Variants in GLYATL1B observed in about 807,000 individuals in gnomAD.
GLYATL1B encodes the protein putative glycine N-acyltransferase-like protein 1B.
Under a neutral mutation model 5.5 loss-of-function variants are expected in GLYATL1B, and 6 were observed. The ratio of observed to expected loss-of-function variants is 1.09; its 90% confidence interval spans 0.60 to 2.15. GLYATL1B has a LOEUF of 2.15. Among genes scored for constraint, GLYATL1B ranks in the 30% most tolerant of loss-of-function variants. The pLI, the probability that GLYATL1B is intolerant of heterozygous loss-of-function variation, is 0.00. For synonymous variants in GLYATL1B, 67 were observed against 34.9 expected, an observed-to-expected ratio of 1.92 and a Z score of -3.24; for missense variants, 135 against 94.1, an observed-to-expected ratio of 1.43 and a Z score of -1.80.
At chr11:59,087,439 AG>A (rs1300917527) in intron 2 of GLYATL1B, among the ~76,000 whole-genome samples, 1 of 152,090 alleles carries the variant, frequency 6.6e-6, no homozygotes, top group African/African-American at 2.4e-5. Flanking sequence ...TTGAGGTGGC[AG>A]GGGTCACCTG....
At chr11:59,088,200 C>T (rs771641868) in intron 2 of GLYATL1B, among the ~76,000 whole-genome samples, 3 of 152,166 alleles carry the variant, frequency 2.0e-5, no homozygotes, top group African/African-American at 7.2e-5. Flanking sequence ...AAATGAGATA[C>T]CACATGTCAA....
In GLYATL1B at chr11:59,087,503, G is replaced by A. The variant is rs967459516; in HGVS notation, c.186+332G>A. Among the ~76,000 whole-genome samples the A allele has an allele frequency of 1.1e-4, 17 of 152,094 alleles. No homozygotes were observed. The South Asian group carries it at 1.2e-3, about 11-fold the overall frequency. On this transcript the variant is annotated intron_variant, in intron 2 of 4. Coordinates refer to ENST00000527482, the MANE Select transcript of GLYATL1B (RefSeq NM_001355566.1). ...GGGAAAGTTGGCTGTCTGAGATATTGGAACAGTGACTTAGAACCAAAAACC... is the reference window on the plus strand; with the variant it reads ...GGGAAAGTTGGCTGTCTGAGATATTAGAACAGTGACTTAGAACCAAAAACC...
intron 2 of GLYATL1B, among the ~76,000 whole-genome samples, chr11:59,088,148 G>A (rs1859229517): frequency 1.3e-5 from 2 of 152,118 alleles, no homozygotes; most frequent in South Asian, 4.2e-4. Context: ...TGTTAAAATG[G>A]GAAAAATAGG....
chr11:59,094,393 C>T lies in GLYATL1B; in HGVS notation c.516C>T (p.Ala172=). Residue 172 remains alanine (A), a synonymous_variant, in exon 5 of 5, where the codon GCC becomes GCT. Transcript: ENST00000527482. ...GCGAGACTCCGAACTTTAAGTATGC[C>T]CAGCTGAATGTGTCTTATTCTGGGC... ...LESETPNFKY[A]QLNVSYSGLV... 1 of 575,894 alleles carries T rather than the reference C, an allele frequency of 1.7e-6. No homozygotes were observed. The highest frequency in any genetic ancestry group is 3.1e-5 in the South Asian group (1 of 31,944). The allele number at this position is 575,894 out of a possible 1,614,324, so 35.7% of individuals were successfully genotyped here.
intron 2 of GLYATL1B, among the ~76,000 whole-genome samples, chr11:59,090,985 G>A (rs3109657): frequency 9.2e-5 from 14 of 151,974 alleles, no homozygotes; most frequent in South Asian, 6.2e-4. Context: ...ATGAACGGTA[G>A]ATTTTATGTT....
intron 2 of GLYATL1B, among the ~76,000 whole-genome samples, chr11:59,089,120 T>A (rs1299314945): frequency 1.3e-5 from 2 of 152,212 alleles, no homozygotes; most frequent in South Asian, 4.1e-4. Context: ...TTATGATCTC[T>A]TCTGTAATCG....
chr11:59,090,592 A>T (rs1186331066), intron 2 of GLYATL1B, among the ~76,000 whole-genome samples: 1 of 151,560 alleles, frequency 6.6e-6, no homozygotes, highest in Non-Finnish European at 1.5e-5. Flanking sequence ...TTATTTTGTT[A>T]TTGCTTTCTA....
At chr11:59,092,603 T>A (rs978016485) in intron 2 of GLYATL1B, among the ~76,000 whole-genome samples, 27 of 152,360 alleles carry the variant, frequency 1.8e-4, no homozygotes, top group African/African-American at 6.5e-4. Context: ...ATAATATTAA[T>A]ACATGCACTG....
chr11:59,087,113 A>C lies in GLYATL1B; in HGVS notation c.128A>C (p.Glu43Ala), dbSNP rs541423910. The stretch of plus-strand genomic sequence containing the variant: ...AATCACGGGAACCCCTTCAACATGG[A>C]AGTGTTGGTGGACTCCTGGCCCGAG... ...HINHGNPFNM[E>A]VLVDSWPEYQ... is the part of the protein sequence containing the mutation. The change falls in exon 2 of 5, where the codon GAA becomes GCA. Residue 43 changes from glutamate to alanine, a missense_variant. Glu to Ala is a moderately radical substitution (Grantham distance 107). Coordinates refer to ENST00000527482, the MANE Select transcript of GLYATL1B (RefSeq NM_001355566.1). 1.5e-6 allele frequency: 1 copy of C among 679,086 alleles called. No individual in the cohort carries two copies. Among genetic ancestry groups the C allele is most frequent in the South Asian group, 1.9e-5 (1 of 51,986 alleles). The allele number at this position is 679,086 out of a possible 1,614,324, so 42.1% of individuals were successfully genotyped here. A position where few individuals can be genotyped will look rare whatever the true frequency, so the allele number is the denominator to read the frequency against.
At chr11:59,086,979 T>C (rs895825997) in intron 1 of GLYATL1B, 85 bp from the exon 2 acceptor site, 59 of 481,768 alleles carry the variant, frequency 1.2e-4, no homozygotes, top group Non-Finnish European at 1.8e-4. Context: ...TGTCTCTTGA[T>C]CTCCATTTTT....
At chr11:59,089,124 G>A (rs1205716201) in intron 2 of GLYATL1B, among the ~76,000 whole-genome samples, 6 of 152,116 alleles carry the variant, frequency 3.9e-5, no homozygotes, top group Non-Finnish European at 8.8e-5. Context: ...GATCTCTTCT[G>A]TAATCGCTTT....
chr11:59,089,328 T>C (rs1443262195), intron 2 of GLYATL1B, among the ~76,000 whole-genome samples: 2 of 152,220 alleles, frequency 1.3e-5, no homozygotes, highest in African/African-American at 4.8e-5. Context: ...CTTGTATACA[T>C]GTCTTTACAT....
chr11:59,086,557 A>C (rs1859198519), intron 1 of GLYATL1B, among the ~76,000 whole-genome samples, 173 bp downstream of exon 1: 1 of 152,120 alleles, frequency 6.6e-6, no homozygotes, highest in South Asian at 2.1e-4. Context: ...CCTCGGCAAC[A>C]GGCAACTAGG....
intron 2 of GLYATL1B, among the ~76,000 whole-genome samples, chr11:59,090,254 A>G (rs1194315469): frequency 2.0e-5 from 3 of 151,862 alleles, no homozygotes; most frequent in African/African-American, 7.2e-5. Context: ...TTGCTTTCCT[A>G]TTTCTTATAA....
In GLYATL1B at chr11:59,087,114, A is replaced by G. The variant is rs200777367; in HGVS notation, c.129A>G (p.Glu43=). ...ATCACGGGAACCCCTTCAACATGGA[A>G]GTGTTGGTGGACTCCTGGCCCGAGT... ...HINHGNPFNM[E]VLVDSWPEYQ... is the part of the protein sequence containing the mutation. The change falls in exon 2 of 5, where the codon GAA becomes GAG. Residue 43 remains glutamate, a synonymous_variant. Coordinates refer to ENST00000527482, the MANE Select transcript of GLYATL1B (RefSeq NM_001355566.1). 1,405 of 669,080 alleles carry G rather than the reference A, an allele frequency of 2.1e-3. 7 individuals are homozygous for G. Among genetic ancestry groups the G allele is most frequent in the East Asian group, 6.2e-3 (226 of 36,628 alleles). The allele number at this position is 669,080 out of a possible 1,614,324, so 41.4% of individuals were successfully genotyped here.
At chr11:59,092,206 C>A (rs927308692) in intron 2 of GLYATL1B, among the ~76,000 whole-genome samples, 24 of 150,764 alleles carry the variant, frequency 1.6e-4, no homozygotes, top group African/African-American at 5.9e-4. Flanking sequence ...CCTTTAAATG[C>A]CTTACCAGAA....
At chr11:59,087,305 G>T in intron 2 of GLYATL1B, 134 bp downstream of exon 2, 1 of 405,388 alleles carries the variant, frequency 2.5e-6, no homozygotes, top group Admixed American at 4.0e-5. Flanking sequence ...TTCAGTACTG[G>T]GCAGCTTGCG....
intron 2 of GLYATL1B, among the ~76,000 whole-genome samples, chr11:59,087,920 C>T (rs999079106): frequency 2.0e-5 from 3 of 152,158 alleles, no homozygotes; most frequent in African/African-American, 7.2e-5. Context: ...TGTGTGGAAG[C>T]ACCTCACTCG....
intron 2 of GLYATL1B, among the ~76,000 whole-genome samples, chr11:59,088,161 G>A (rs1565174793): frequency 6.6e-6 from 1 of 152,150 alleles, no homozygotes; most frequent in African/African-American, 2.4e-5. Flanking sequence ...AAAATAGGAG[G>A]ACATTCTTCA....
Sources: allele counts gnomAD v4.1 joint callset (sites outside exome capture counted in the v4.1 genomes callset), GRCh38; gene constraint gnomAD v4.1.1; transcripts MANE v1.5; gene names NCBI Gene and HGNC (gene_info 2026-07-23, HGNC 2026-07-21).